The following SLC16A12 variants were observed in gnomAD, a reference collection of about 807,000 sequenced individuals.
The protein encoded by SLC16A12 is monocarboxylate transporter 12.
Under a neutral mutation model 42.4 loss-of-function variants are expected in SLC16A12, and 17 were observed. The observed-to-expected ratio is 0.40, with a 90% CI of 0.27 to 0.60. SLC16A12 has a LOEUF of 0.60. Ranked by LOEUF, SLC16A12 falls within the 20% of genes least tolerant of loss-of-function variation. The probability of loss-of-function intolerance (pLI) is 0.42; values close to 1 mark genes in which losing one functional copy is unlikely to be tolerated. For missense variants in SLC16A12, 544 were observed against 623.0 expected, an observed-to-expected ratio of 0.87 and a Z score of 1.35; for synonymous variants, 224 against 229.4, an observed-to-expected ratio of 0.98 and a Z score of 0.21.
upstream of SLC16A12, among the ~76,000 whole-genome samples, chr10:89,540,512 A>G (rs545668726): frequency 1.3e-5 from 2 of 152,096 alleles, no homozygotes; most frequent in African/African-American, 2.4e-5. Flanking sequence ...CTTAATGTAT[A>G]TCTCCATCCC....
At chr10:89,527,509 A>C (rs1843473424) in intron 2 of SLC16A12, among the ~76,000 whole-genome samples, 1 of 151,794 alleles carries the variant, frequency 6.6e-6, no homozygotes, top group Non-Finnish European at 1.5e-5. Flanking sequence ...AACTAAAAAA[A>C]TAAGGGGCTG....
At chr10:89,517,560 C>A (rs928569873) in intron 2 of SLC16A12, among the ~76,000 whole-genome samples, 2 of 152,120 alleles carry the variant, frequency 1.3e-5, no homozygotes, top group Non-Finnish European at 2.9e-5. Context: ...ATCCTCCTGC[C>A]TTGGCCTCCC....
At chr10:89,466,351 A>G (rs1383866720) in intron 2 of SLC16A12, among the ~76,000 whole-genome samples, 1 of 152,200 alleles carries the variant, frequency 6.6e-6, no homozygotes, top group East Asian at 1.9e-4. Flanking sequence ...TGCAGAAAAG[A>G]GACAATAGCC....
intron 2 of SLC16A12, among the ~76,000 whole-genome samples, chr10:89,494,052 C>T (rs1842886269): frequency 6.6e-6 from 1 of 152,146 alleles, no homozygotes; most frequent in Admixed American, 6.5e-5. Context: ...TTTAATCCCC[C>T]ACGCTATATT....
chr10:89,500,719 C>A (rs1354848518), intron 2 of SLC16A12, among the ~76,000 whole-genome samples: 1 of 152,164 alleles, frequency 6.6e-6, no homozygotes, highest in Non-Finnish European at 1.5e-5. Context: ...TGAAAGCATT[C>A]CTGCTGAGAA....
intron 2 of SLC16A12, among the ~76,000 whole-genome samples, chr10:89,465,260 G>A (rs1842373976): frequency 6.6e-6 from 1 of 152,210 alleles, no homozygotes; most frequent in African/African-American, 2.4e-5. Context: ...CCTAACCAAT[G>A]CCCTGCACTG....
intron 2 of SLC16A12, among the ~76,000 whole-genome samples, chr10:89,531,654 G>A (rs1416376930): frequency 6.6e-6 from 1 of 152,206 alleles, no homozygotes; most frequent in Admixed American, 6.5e-5. Context: ...TCACATGCAT[G>A]TAGAGGGGCA....
chr10:89,452,304 T>C (rs1416573036), intron 3 of SLC16A12, among the ~76,000 whole-genome samples: 1 of 152,146 alleles, frequency 6.6e-6, no homozygotes, highest in Non-Finnish European at 1.5e-5. Context: ...GAAAATGAAA[T>C]ATGTATGTAT....
At chr10:89,436,523 T>C (rs1233298261) in intron 6 of SLC16A12, among the ~76,000 whole-genome samples, 5 of 152,168 alleles carry the variant, frequency 3.3e-5, no homozygotes, top group Non-Finnish European at 5.9e-5. Context: ...GTAGAAAGAA[T>C]ATATACTTCA....
intron 2 of SLC16A12, among the ~76,000 whole-genome samples, chr10:89,516,177 G>A (rs530218392): frequency 1.7e-4 from 26 of 152,076 alleles, no homozygotes; most frequent in Non-Finnish European, 3.5e-4. Flanking sequence ...TGTAAACTCC[G>A]AGAGGCAGGA....
At chr10:89,515,294 T>C (rs548041557) in intron 2 of SLC16A12, among the ~76,000 whole-genome samples, 2 of 152,236 alleles carry the variant, frequency 1.3e-5, no homozygotes, top group East Asian at 3.9e-4. Flanking sequence ...ATTGGGAATG[T>C]TAAGACCCTT....
chr10:89,546,026 A>G (rs1166774645), intron 2 of SLC16A12, among the ~76,000 whole-genome samples: 1 of 152,210 alleles, frequency 6.6e-6, no homozygotes, highest in East Asian at 1.9e-4. Flanking sequence ...CTTACATCTT[A>G]TACAAAAATT....
intron 2 of SLC16A12, among the ~76,000 whole-genome samples, chr10:89,522,640 G>T (rs1843374928): frequency 6.6e-6 from 1 of 152,174 alleles, no homozygotes; most frequent in African/African-American, 2.4e-5. Flanking sequence ...GTTATTTGAA[G>T]TCTTAAGTAC....
At chr10:89,476,969 T>C (rs1241250546) in intron 2 of SLC16A12, among the ~76,000 whole-genome samples, 6 of 152,226 alleles carry the variant, frequency 3.9e-5, no homozygotes. Flanking sequence ...TGCTCACTGC[T>C]TGAGCCACAG....
intron 2 of SLC16A12, among the ~76,000 whole-genome samples, chr10:89,518,931 TAA>T (rs1225133390): frequency 6.6e-6 from 1 of 152,170 alleles, no homozygotes; most frequent in Non-Finnish European, 1.5e-5. Context: ...AAACAAAATA[TAA>T]ATACTCAATA....
chr10:89,494,373 C>T (rs1364455924), intron 2 of SLC16A12, among the ~76,000 whole-genome samples: 1 of 152,142 alleles, frequency 6.6e-6, no homozygotes. Flanking sequence ...TTAACACTCC[C>T]CAAATGCTCA....
intron 2 of SLC16A12, among the ~76,000 whole-genome samples, chr10:89,488,410 G>A (rs910064892): frequency 6.6e-6 from 1 of 152,074 alleles, no homozygotes; most frequent in Non-Finnish European, 1.5e-5. Context: ...GCTCTTTGTT[G>A]GTGGAACTCA....
intron 2 of SLC16A12, among the ~76,000 whole-genome samples, chr10:89,524,891 G>A (rs1843424054): frequency 6.6e-6 from 1 of 152,176 alleles, no homozygotes; most frequent in African/African-American, 2.4e-5. Flanking sequence ...TAAATCAAAT[G>A]TCCCTTCTAC....
At chr10:89,470,772 C>T (rs1265008956) in intron 2 of SLC16A12, among the ~76,000 whole-genome samples, 2 of 152,184 alleles carry the variant, frequency 1.3e-5, no homozygotes, top group Non-Finnish European at 2.9e-5. Flanking sequence ...TAGAGAGCAC[C>T]AAGATGAGTT....
Sources: gnomAD v4.1 joint callset for allele counts (sites outside exome capture counted in the v4.1 genomes callset) on GRCh38, gnomAD v4.1.1 for gene constraint, MANE v1.5 for transcripts, NCBI Gene and HGNC (gene_info 2026-07-23, HGNC 2026-07-21) for gene names.